GLCCI1: variants seen among roughly 807,000 people sequenced by gnomAD.
The protein encoded by GLCCI1 is glucocorticoid-induced transcript 1 protein.
A neutral mutation model predicts 52.2 loss-of-function variants in GLCCI1; 24 were observed. The ratio of observed to expected loss-of-function variants is 0.46; its 90% CI spans 0.33 to 0.65. The LOEUF is 0.65. Ranked by LOEUF, GLCCI1 falls within the 30% of genes least tolerant of loss-of-function variation. The pLI is 0.02. For missense variants in GLCCI1, 704 were observed against 701.5 expected (o/e 1.00, Z -0.04); for synonymous variants, 310 against 276.5 (o/e 1.12, Z -1.20).
intron 2 of GLCCI1, among the ~76,000 whole-genome samples, chr7:8,009,906 GA>G (rs557244591): frequency 4.8e-4 from 66 of 137,912 alleles, no homozygotes; most frequent in African/African-American, 8.7e-4. Flanking sequence ...AAAATAGAAT[GA>G]AAAAAAAAAA....
At chr7:8,084,602 T>A (rs1783063059) in intron 6 of GLCCI1, 1 of 231,148 alleles carries the variant, frequency 4.3e-6, no homozygotes, top group Non-Finnish European at 8.4e-6. Flanking sequence ...ATTCTTGAAA[T>A]ACGTAATAAA....
At chr7:8,073,635 A>G (rs1782813342) in intron 6 of GLCCI1, among the ~76,000 whole-genome samples, 1 of 152,228 alleles carries the variant, frequency 6.6e-6, no homozygotes, top group South Asian at 2.1e-4. Context: ...CATTGAGGTT[A>G]CATGAGATAC....
At chr7:8,042,826 A>G (rs955509917) in intron 3 of GLCCI1, among the ~76,000 whole-genome samples, 1 of 152,234 alleles carries the variant, frequency 6.6e-6, no homozygotes, top group Non-Finnish European at 1.5e-5. Flanking sequence ...ACATAAACCT[A>G]GTTGATAAAG....
chr7:8,020,632 A>G (rs916868052), intron 2 of GLCCI1, among the ~76,000 whole-genome samples: 7 of 152,236 alleles, frequency 4.6e-5, no homozygotes, highest in Non-Finnish European at 7.4e-5. Context: ...GGGCTGTACA[A>G]AATGAATGTA....
chr7:8,060,349 T>G, intron 5 of GLCCI1, 101 bp downstream of exon 5: 1 of 874,470 alleles, frequency 1.1e-6, no homozygotes, highest in Non-Finnish European at 1.8e-6. Context: ...ATAATTCACA[T>G]ACCATCCAGT....
At chr7:8,023,569 T>C (rs1000434647) in intron 3 of GLCCI1, among the ~76,000 whole-genome samples, 1 of 149,182 alleles carries the variant, frequency 6.7e-6, no homozygotes, top group Non-Finnish European at 1.5e-5. Context: ...AAAAAGATGG[T>C]CATCTAATCT....
intron 3 of GLCCI1, among the ~76,000 whole-genome samples, chr7:8,054,134 C>T (rs1166869474): frequency 1.3e-5 from 2 of 151,984 alleles, no homozygotes; most frequent in African/African-American, 4.8e-5. Flanking sequence ...TGCAGTTTTG[C>T]TTTTATACCT....
intron 5 of GLCCI1, among the ~76,000 whole-genome samples, chr7:8,066,431 T>C (rs1402448962): frequency 6.6e-6 from 1 of 152,094 alleles, no homozygotes; most frequent in Non-Finnish European, 1.5e-5. Flanking sequence ...TTCTGCTAGC[T>C]TTGGAGTTAG....
At chr7:7,973,413 C>CGTGTGTGT (rs57135358) in intron 1 of GLCCI1, among the ~76,000 whole-genome samples, 9,931 of 147,614 alleles carry the variant, frequency 0.067, 400 homozygotes, top group East Asian at 0.16. Context: ...TCTTTGTGTG[C>CGTGTGTGT]GTGTGTGTGT....
chr7:8,038,414 T>C (rs961418203), intron 3 of GLCCI1, among the ~76,000 whole-genome samples: 5 of 151,954 alleles, frequency 3.3e-5, no homozygotes, highest in African/African-American at 1.2e-4. Context: ...ACTGGTAGGA[T>C]AGCAAAAACA....
chr7:8,004,015 C>T lies in GLCCI1; in HGVS notation c.565C>T (p.Pro189Ser), dbSNP rs766854403. ...PYLTGQWPRD[P>S]HVHYPSCMKD... Reference sequence around the variant, plus strand: ...CCTCACAGGACAGTGGCCACGGGATCCTCATGTTCACTACCCTTCATGCAT... The same window carrying T: ...CCTCACAGGACAGTGGCCACGGGATTCTCATGTTCACTACCCTTCATGCAT... Residue 189 changes from proline to serine, a missense_variant, in exon 2 of 8, where the codon CCT becomes TCT. Transcript: ENST00000223145. 2 of 1,613,740 alleles carry T rather than the reference C, an allele frequency of 1.2e-6. No individual in the cohort carries two copies. The highest frequency in any genetic ancestry group is 1.7e-6 in the Non-Finnish European group (2 of 1,179,788).
In GLCCI1 at chr7:8,055,500, A is replaced by T; in HGVS notation, c.764A>T (p.Asp255Val). 1 of 1,613,974 alleles carries T rather than the reference A, an allele frequency of 6.2e-7. No homozygotes were observed. Among genetic ancestry groups the T allele is most frequent in the Non-Finnish European group, 8.5e-7 (1 of 1,179,868 alleles). The stretch of plus-strand genomic sequence containing the variant: ...AGTAGTCGTCACAGTAAGGAGAAAG[A>T]TCGCCAGTCACCTCTTCATGGCAAC... The part of the protein sequence containing the change: ...KQSSRHSKEK[D>V]RQSPLHGNHI... The change falls in exon 4 of 8, where the codon GAT becomes GTT. Residue 255 changes from aspartate (D) to valine (V), a missense_variant. Coordinates refer to ENST00000223145, the MANE Select transcript of GLCCI1 (RefSeq NM_138426.4).
chr7:8,036,050 A>T (rs1411468606), intron 3 of GLCCI1, among the ~76,000 whole-genome samples: 1 of 152,234 alleles, frequency 6.6e-6, no homozygotes, highest in East Asian at 1.9e-4. Context: ...GTAAACAAAG[A>T]TCAAGCATAT....
chr7:7,971,981 G>C (rs1780362843), intron 1 of GLCCI1, among the ~76,000 whole-genome samples: 1 of 152,082 alleles, frequency 6.6e-6, no homozygotes, highest in African/African-American at 2.4e-5. Context: ...TGTGCCCCCA[G>C]TTCCGTGATT....
At chr7:8,060,373 G>T in intron 5 of GLCCI1, 125 bp downstream of exon 5, 3 of 694,656 alleles carry the variant, frequency 4.3e-6, no homozygotes, top group South Asian at 4.0e-5. Context: ...CTCATTTAGT[G>T]TACAATTCAG....
chr7:8,061,049 T>C (rs1467580574), intron 5 of GLCCI1, among the ~76,000 whole-genome samples: 2 of 152,192 alleles, frequency 1.3e-5, no homozygotes, highest in Non-Finnish European at 2.9e-5. Flanking sequence ...TGGTGTTAAT[T>C]TGCATTTCGT....
At chr7:7,999,477 GCACACC>G (rs1781008873) in intron 1 of GLCCI1, among the ~76,000 whole-genome samples, 2 of 152,150 alleles carry the variant, frequency 1.3e-5, no homozygotes, top group South Asian at 4.2e-4. Context: ...ATGTGGTGGT[GCACACC>G]TATAGTCCTA....
chr7:8,058,866 G>A (rs1393080164), intron 4 of GLCCI1, among the ~76,000 whole-genome samples: 2 of 152,076 alleles, frequency 1.3e-5, no homozygotes, highest in South Asian at 2.1e-4. Flanking sequence ...TGCCGATAAC[G>A]TAAAATAGTC....
chr7:8,010,083 G>C (rs570955967), intron 2 of GLCCI1, among the ~76,000 whole-genome samples: 2 of 152,118 alleles, frequency 1.3e-5, no homozygotes, highest in East Asian at 3.9e-4. Flanking sequence ...TTCTGATACA[G>C]TTAGATGCGA....
Sources: gnomAD v4.1 joint callset for allele counts (sites outside exome capture counted in the v4.1 genomes callset) on GRCh38, gnomAD v4.1.1 for gene constraint, MANE v1.5 for transcripts, NCBI Gene and HGNC (gene_info 2026-07-23, HGNC 2026-07-21) for gene names.